Variants in ABI1 observed in about 807,000 individuals in gnomAD.
The protein encoded by ABI1 is Abelson interactor 1.
ABI1 carries 14 observed loss-of-function variants against 54.6 expected under a neutral mutation model. The observed-to-expected ratio is 0.26, with a 90% confidence interval of 0.17 to 0.40. The LOEUF is 0.40. Among genes scored for constraint, ABI1 ranks in the 10% least tolerant of loss-of-function variants. The pLI, the probability that ABI1 is intolerant of heterozygous loss-of-function variation, is 1.00. For missense variants in ABI1, 443 were observed against 598.3 expected (o/e 0.74, Z 2.71); for synonymous variants, 194 against 209.3 (o/e 0.93, Z 0.63).
chr10:26,748,660 A>G lies in ABI1; in HGVS notation c.1356T>C (p.Asn452=). 2 of 1,613,572 alleles carry G rather than the reference A, an allele frequency of 1.2e-6. No homozygotes were observed. Among genetic ancestry groups the G allele is most frequent in the African/African-American group, 1.3e-5 (1 of 75,042 alleles). Reference sequence around the variant, plus strand: ...AGACTCCTTCATACCAGCCATCATCATTCTTCTTTATAACATAAATGATTG... The same window carrying G: ...AGACTCCTTCATACCAGCCATCATCGTTCTTCTTTATAACATAAATGATTG... ...EGAIIYVIKK[N]DDGWYEGVCN... is the part of the protein sequence containing the mutation. The change falls in exon 11 of 11, where the codon AAT becomes AAC. Residue 452 remains asparagine (N), a synonymous_variant. Coordinates refer to ENST00000376140, the MANE Select transcript of ABI1 (RefSeq NM_001012750.3).
chr10:26,764,593 T>G (rs1162862042), intron 7 of ABI1, among the ~76,000 whole-genome samples: 1 of 152,194 alleles, frequency 6.6e-6, no homozygotes, highest in East Asian at 1.9e-4. Flanking sequence ...TTGACTAGTA[T>G]GCGAGGCAAA....
intron 2 of ABI1, among the ~76,000 whole-genome samples, chr10:26,796,639 T>C (rs1844206849): frequency 6.6e-6 from 1 of 152,242 alleles, no homozygotes; most frequent in Admixed American, 6.5e-5. Context: ...GGATTTTCAT[T>C]AAATAAGTAG....
Position 26,860,182 on chromosome 10 carries a change from TAAAA to T in ABI1, c.117+561_117+564del, listed in dbSNP as rs1339642694. On this transcript the variant is annotated intron_variant, in intron 1 of 10. Coordinates refer to ENST00000376140, the MANE Select transcript of ABI1 (RefSeq NM_001012750.3). The surrounding 1 kb of genome is among the most constrained non-coding windows in gnomAD (Gnocchi z 4.1). ...AATTTTTTTTAAATAAATAAATAAA[TAAAA>T]GACACACCCTCTGGGGGCTGAAACT... 6.6e-6 allele frequency among the ~76,000 whole-genome samples: 1 copy of T among 151,964 alleles called. No homozygotes were observed. Among genetic ancestry groups the T allele is most frequent in the African/African-American group, 2.4e-5 (1 of 41,366 alleles).
chr10:26,774,110 T>C (rs1841083291), intron 3 of ABI1, among the ~76,000 whole-genome samples: 1 of 152,234 alleles, frequency 6.6e-6, no homozygotes, highest in Admixed American at 6.5e-5. Flanking sequence ...AGTATACGCA[T>C]ATAACTAACA....
intron 2 of ABI1, among the ~76,000 whole-genome samples, chr10:26,788,416 C>T (rs776372631): frequency 2.0e-5 from 3 of 152,138 alleles, no homozygotes; most frequent in Non-Finnish European, 4.4e-5. Flanking sequence ...AATAATAAAT[C>T]TGAATCTTAT....
Position 26,860,939 on chromosome 10 carries a change from T to C in ABI1, c.-76A>G, listed in dbSNP as rs2134428630. ...AAGGTCCGCCGAGGCTCCGAGCACC[T>C]CACAGCCCGGATACAAACCGCCTAC... On this transcript the variant is annotated 5_prime_UTR_variant, in exon 1 of 11. Coordinates refer to ENST00000376140, the MANE Select transcript of ABI1 (RefSeq NM_001012750.3). This position sits in a 1 kb window ranked among gnomAD's most constrained non-coding sequence, Gnocchi z 4.1. The C allele has an allele frequency of 2.9e-6, 4 of 1,360,940 alleles. No homozygotes were observed. In the East Asian group the frequency reaches 9.2e-5, roughly 31 times the overall value. The allele number at this position is 1,360,940 out of a possible 1,614,324, so 84.3% of individuals were successfully genotyped here. A position where few individuals can be genotyped will look rare whatever the true frequency, so the allele number is the denominator to read the frequency against.
chr10:26,860,771 G>A lies in ABI1; in HGVS notation c.93C>T (p.Asp31=), dbSNP rs1254610349. 1.2e-6 allele frequency: 2 copies of A among 1,614,114 alleles called. No homozygotes were observed. Among genetic ancestry groups the A allele is most frequent in the South Asian group, 1.1e-5 (1 of 91,088 alleles). ...ESYQNLTRVA[D]YCENNYIQAT... is the part of the protein sequence containing the mutation. Reference sequence around the variant, plus strand: ...CCTGTATGTAGTTGTTTTCACAGTAGTCTGCCACCCGAGTCAGGTTCTGGT... The same window carrying A: ...CCTGTATGTAGTTGTTTTCACAGTAATCTGCCACCCGAGTCAGGTTCTGGT... Residue 31 remains aspartate, a synonymous_variant, in exon 1 of 11, where the codon GAC becomes GAT. Transcript: ENST00000376140. The surrounding 1 kb of genome is among the most constrained non-coding windows in gnomAD (Gnocchi z 4.1).
At chr10:26,809,570 TAAATAAAATAA>T (rs750045767) in intron 2 of ABI1, among the ~76,000 whole-genome samples, 124 of 151,624 alleles carry the variant, frequency 8.2e-4, no homozygotes, top group Non-Finnish European at 6.8e-4. Flanking sequence ...AATAAATAAA[TAAATAAAATAA>T]AAATAAAACA....
intron 2 of ABI1, among the ~76,000 whole-genome samples, chr10:26,785,452 T>C (rs753400346): frequency 3.9e-5 from 6 of 152,194 alleles, no homozygotes; most frequent in Non-Finnish European, 7.3e-5. Context: ...TTGGGTGTGG[T>C]GGCTCATGCC....
intron 2 of ABI1, among the ~76,000 whole-genome samples, chr10:26,788,406 A>G (rs1452640273): frequency 1.3e-5 from 2 of 152,242 alleles, no homozygotes; most frequent in East Asian, 3.8e-4. Flanking sequence ...AGTACTAAAA[A>G]ATAATAAATC....
At chr10:26,846,386 A>T (rs2049981895) in intron 1 of ABI1, among the ~76,000 whole-genome samples, 1 of 144,394 alleles carries the variant, frequency 6.9e-6, no homozygotes, top group Admixed American at 7.2e-5. Flanking sequence ...TCTGTTGCCC[A>T]GGCTGGAGTG....
chr10:26,774,177 G>A (rs1301139532), intron 3 of ABI1, among the ~76,000 whole-genome samples: 2 of 151,978 alleles, frequency 1.3e-5, no homozygotes, highest in East Asian at 1.9e-4. Flanking sequence ...CTAATACAAG[G>A]TAAATGGTAT....
At chr10:26,835,967 G>A (rs1015712242) in intron 1 of ABI1, among the ~76,000 whole-genome samples, 1 of 151,752 alleles carries the variant, frequency 6.6e-6, no homozygotes, top group Non-Finnish European at 1.5e-5. Flanking sequence ...TGCCCAGGCT[G>A]GTCTCGAACT....
intron 1 of ABI1, among the ~76,000 whole-genome samples, chr10:26,839,329 T>C (rs1184044815): frequency 6.6e-6 from 1 of 151,858 alleles, no homozygotes; most frequent in African/African-American, 2.4e-5. Context: ...AAACCTCATC[T>C]CTACAAAAAT....
At chr10:26,789,760 C>A (rs1300144692) in intron 2 of ABI1, among the ~76,000 whole-genome samples, 1 of 152,100 alleles carries the variant, frequency 6.6e-6, no homozygotes, top group African/African-American at 2.4e-5. Context: ...TTAGGTTTTT[C>A]CTGGTCCTCT....
chr10:26,811,815 TTGTA>T, intron 2 of ABI1, among the ~76,000 whole-genome samples: 1 of 98,130 alleles, frequency 1.0e-5, no homozygotes, highest in Non-Finnish European at 2.3e-5. Flanking sequence ...ATGCAAAGAT[TTGTA>T]TAAATTTGTA....
rs1434356392 is a variant in ABI1 at position 26,860,472 on chromosome 10, G to A, written c.117+275C>T. Among the ~76,000 whole-genome samples the A allele has an allele frequency of 6.6e-6, 1 of 152,212 alleles. No homozygotes were observed. The highest frequency in any genetic ancestry group is 1.9e-4 in the East Asian group (1 of 5,188). On this transcript the variant is annotated intron_variant, in intron 1 of 10. Transcript: ENST00000376140. The surrounding 1 kb of genome is among the most constrained non-coding windows in gnomAD (Gnocchi z 4.1). ...GAAGCGGACGCGAGGGGGGCGCCGG[G>A]CTGCGGCAGCGGCGGGCTCCCGGCT...
At chr10:26,812,711 G>A (rs35175791) in intron 2 of ABI1, among the ~76,000 whole-genome samples, 35,171 of 151,954 alleles carry the variant, frequency 0.23, 4,618 homozygotes, top group African/African-American at 0.35. Context: ...CTTTCTCCTT[G>A]ACTTACAGAT....
intron 7 of ABI1, among the ~76,000 whole-genome samples, chr10:26,761,661 T>TATATACACACACAC (rs1375832167): frequency 2.2e-4 from 17 of 78,930 alleles, no homozygotes; most frequent in African/African-American, 3.6e-4. Context: ...TATATATATA[T>TATATACACACACAC]ACACACACAC....
Sources: allele counts gnomAD v4.1 joint callset (sites outside exome capture counted in the v4.1 genomes callset), GRCh38; gene constraint gnomAD v4.1.1; non-coding constraint Gnocchi (gnomAD v3.1); transcripts MANE v1.5; gene names NCBI Gene and HGNC (gene_info 2026-07-23, HGNC 2026-07-21).